The following ATF6 variants were observed in gnomAD, a reference collection of about 807,000 sequenced individuals.
ATF6 encodes cyclic AMP-dependent transcription factor ATF-6 alpha.
In ATF6, 53 loss-of-function variants were observed where a neutral mutation model predicts 83.6. The observed-to-expected ratio is 0.63, with a 90% CI of 0.51 to 0.80. The LOEUF (loss-of-function observed/expected upper bound fraction) is 0.80, where lower values mean the gene tolerates loss of function less well. ATF6 is among the 30% of genes least tolerant of loss of function. ATF6 has a pLI of 0.00. For synonymous variants in ATF6, 288 were observed against 285.8 expected (o/e 1.01, Z -0.08); for missense variants, 744 against 797.9 (o/e 0.93, Z 0.81).
At chr1:161,821,749 A>G (rs975157481) in intron 9 of ATF6, among the ~76,000 whole-genome samples, 12 of 152,248 alleles carry the variant, frequency 7.9e-5, no homozygotes, top group African/African-American at 2.4e-4. Flanking sequence ...GGAGGGTAAC[A>G]TAATCAGCTT....
At chr1:161,790,336 A>T (rs1205405209) in intron 4 of ATF6, among the ~76,000 whole-genome samples, 1 of 152,170 alleles carries the variant, frequency 6.6e-6, no homozygotes, top group East Asian at 1.9e-4. Context: ...AGTAGAGATT[A>T]TGTCTATTGC....
intron 9 of ATF6, among the ~76,000 whole-genome samples, chr1:161,838,421 G>A (rs761879016): frequency 5.9e-5 from 9 of 152,266 alleles, no homozygotes; most frequent in African/African-American, 1.2e-4. Context: ...TCTGCAAATT[G>A]GGCAGAGTTC....
At chr1:161,956,357 A>G (rs768753832) in intron 15 of ATF6, among the ~76,000 whole-genome samples, 1 of 152,218 alleles carries the variant, frequency 6.6e-6, no homozygotes, top group Non-Finnish European at 1.5e-5. Context: ...CTATGGTTCC[A>G]AAAGGAAATG....
At chr1:161,867,529 A>T (rs1558003138) in intron 14 of ATF6, among the ~76,000 whole-genome samples, 1 of 152,222 alleles carries the variant, frequency 6.6e-6, no homozygotes, top group Non-Finnish European at 1.5e-5. Flanking sequence ...CCTTACATGT[A>T]GCTGTCTCAT....
intron 15 of ATF6, among the ~76,000 whole-genome samples, chr1:161,952,927 G>A (rs1428137358): frequency 6.6e-6 from 1 of 152,152 alleles, no homozygotes; most frequent in African/African-American, 2.4e-5. Flanking sequence ...GGATTCTGAA[G>A]CCATACTGCT....
intron 4 of ATF6, 144 bp from the exon 5 acceptor site, chr1:161,791,264 A>AAT (rs541318380): frequency 5.8e-5 from 29 of 502,224 alleles, no homozygotes; most frequent in African/African-American, 2.6e-4. Context: ...CTTATTACTT[A>AAT]ATATATATAT....
At chr1:161,836,187 A>G (rs919607546) in intron 9 of ATF6, among the ~76,000 whole-genome samples, 8 of 152,216 alleles carry the variant, frequency 5.3e-5, no homozygotes, top group Non-Finnish European at 7.3e-5. Context: ...TGAGTTTGTC[A>G]GCTTTTCATT....
chr1:161,874,414 T>C (rs1558006008), intron 14 of ATF6, among the ~76,000 whole-genome samples: 2 of 151,732 alleles, frequency 1.3e-5, no homozygotes, highest in Admixed American at 6.6e-5. Context: ...TTTTGAATAA[T>C]TTATTTGGAG....
rs548832896 is a variant in ATF6 at position 161,857,932 on chromosome 1, A to T, written c.1534-2275A>T. Among the ~76,000 whole-genome samples, 14 of 152,274 alleles carry T rather than the reference A, an allele frequency of 9.2e-5. No individual in the cohort carries two copies. The South Asian group carries it at 2.7e-3, about 29-fold the overall frequency. On this transcript the variant is annotated intron_variant, in intron 12 of 15. Transcript: ENST00000367942. ...GTATAATCTCTAGAGCAACTACTAAAAGCTAACATAAAGAAGTACAGCTAG... is the reference window on the plus strand; with the variant it reads ...GTATAATCTCTAGAGCAACTACTAATAGCTAACATAAAGAAGTACAGCTAG...
chr1:161,788,415 CTTGT>C (rs1311491023), intron 4 of ATF6, among the ~76,000 whole-genome samples: 1 of 151,906 alleles, frequency 6.6e-6, no homozygotes, highest in Non-Finnish European at 1.5e-5. Context: ...TTGTTGTCTT[CTTGT>C]TTATCAGCAG....
intron 15 of ATF6, among the ~76,000 whole-genome samples, chr1:161,913,464 T>C (rs16824460): frequency 0.022 from 3,300 of 152,324 alleles, 120 homozygotes; most frequent in African/African-American, 0.076. Context: ...TAGAATTTCA[T>C]GATCTGTATA....
chr1:161,853,084 AAG>A (rs1339824640), intron 11 of ATF6, 138 bp from the exon 12 acceptor site: 10 of 586,624 alleles, frequency 1.7e-5, no homozygotes, highest in Non-Finnish European at 2.9e-5. Context: ...TCAAATCAAA[AAG>A]CAATATTGAG....
At chr1:161,873,432 C>G (rs1248843406) in intron 14 of ATF6, among the ~76,000 whole-genome samples, 2 of 151,618 alleles carry the variant, frequency 1.3e-5, no homozygotes, top group East Asian at 3.9e-4. Context: ...AAATTGATGA[C>G]TTATGATCTG....
chr1:161,795,365 G>A (rs1249270188), intron 6 of ATF6, among the ~76,000 whole-genome samples: 1 of 152,116 alleles, frequency 6.6e-6, no homozygotes, highest in Non-Finnish European at 1.5e-5. Flanking sequence ...GTGCTTAAGT[G>A]CATTATCTTA....
At chr1:161,859,252 C>T (rs1201690728) in intron 12 of ATF6, among the ~76,000 whole-genome samples, 2 of 152,166 alleles carry the variant, frequency 1.3e-5, no homozygotes, top group Non-Finnish European at 2.9e-5. Flanking sequence ...CTATATTCAT[C>T]TCTGCATATT....
intron 9 of ATF6, among the ~76,000 whole-genome samples, chr1:161,839,749 C>T (rs1322620710): frequency 6.6e-6 from 1 of 152,110 alleles, no homozygotes; most frequent in Admixed American, 6.6e-5. Context: ...GAGGGTTAGC[C>T]ATATGGATAT....
intron 14 of ATF6, among the ~76,000 whole-genome samples, chr1:161,906,415 T>A (rs1329548261): frequency 6.6e-6 from 1 of 152,206 alleles, no homozygotes; most frequent in Non-Finnish European, 1.5e-5. Context: ...ACTCTTAGAT[T>A]GAACCTTATG....
intron 15 of ATF6, among the ~76,000 whole-genome samples, chr1:161,957,310 T>A (rs1249812158): frequency 6.6e-6 from 1 of 152,178 alleles, no homozygotes; most frequent in Non-Finnish European, 1.5e-5. Flanking sequence ...AGAACTAGGT[T>A]GTTGCCGGCA....
At chr1:161,912,513 T>C (rs1688011039) in intron 15 of ATF6, 133 bp downstream of exon 15, 3 of 482,770 alleles carry the variant, frequency 6.2e-6, no homozygotes, top group African/African-American at 6.0e-5. Flanking sequence ...GAAACATTTT[T>C]CCACTGTTTT....
Sources: gnomAD v4.1 joint callset for allele counts (sites outside exome capture counted in the v4.1 genomes callset) on GRCh38, gnomAD v4.1.1 for gene constraint, MANE v1.5 for transcripts, NCBI Gene and HGNC (gene_info 2026-07-23, HGNC 2026-07-21) for gene names.